Variants in SUDS3 observed in about 807,000 individuals in gnomAD.
The protein encoded by SUDS3 is sin3 histone deacetylase corepressor complex component SDS3.
SUDS3 carries 23 observed loss-of-function variants against 53.5 expected under a neutral mutation model. The ratio of observed to expected loss-of-function variants is 0.43; its 90% CI spans 0.31 to 0.61. SUDS3 has a LOEUF of 0.61. SUDS3 is among the 20% of genes least tolerant of loss of function. The pLI is 0.10. For missense variants in SUDS3, 291 were observed against 405.9 expected, an observed-to-expected ratio of 0.72 and a Z score of 2.43; for synonymous variants, 150 against 148.5, an observed-to-expected ratio of 1.01 and a Z score of -0.08.
chr12:118,380,318 A>T, intron 2 of SUDS3, 87 bp downstream of exon 2: 2 of 1,190,398 alleles, frequency 1.7e-6, no homozygotes, highest in South Asian at 1.4e-5. Flanking sequence ...GAAATCTCAG[A>T]TGCTCCAAAA....
In SUDS3 at chr12:118,376,770, G is replaced by A. The variant is rs1182171859; in HGVS notation, c.79G>A (p.Asp27Asn). ...PPAPEYYPEE[D>N]EELESAEDDE... ...GGCCCCCGAGTACTACCCCGAGGAGGATGAAGAGCTGGAGAGCGCCGAGGA... is the reference window on the plus strand; with the variant it reads ...GGCCCCCGAGTACTACCCCGAGGAGAATGAAGAGCTGGAGAGCGCCGAGGA... The change falls in exon 1 of 12, where the codon GAT becomes AAT. Residue 27 changes from aspartate to asparagine, a missense_variant. By Grantham distance (23) the Asp-to-Asn change is conservative. This residue lies in a region of SUDS3 where 149 missense variants were observed against 146.5 expected (regional missense o/e 1.02). Coordinates refer to ENST00000543473, the MANE Select transcript of SUDS3 (RefSeq NM_022491.3). 3.9e-6 allele frequency: 6 copies of A among 1,553,120 alleles called. No individual in the cohort carries two copies. Among genetic ancestry groups the A allele is most frequent in the East Asian group, 2.4e-5 (1 of 41,386 alleles).
rs1252426591 is a variant in SUDS3, at chr12:118,417,780, G to C, written c.*3347G>C. On this transcript the variant is annotated 3_prime_UTR_variant, in exon 12 of 12. Coordinates refer to ENST00000543473, the MANE Select transcript of SUDS3 (RefSeq NM_022491.3). ...TGATAAGTGATAGAAATTTATTTTAGGTTTTTGATCCATTGCTTATGGGGA... is the reference window on the plus strand; with the variant it reads ...TGATAAGTGATAGAAATTTATTTTACGTTTTTGATCCATTGCTTATGGGGA... The C allele has an allele frequency of 6.6e-6, 1 of 151,562 alleles. No individual in the cohort carries two copies. The highest frequency in any genetic ancestry group is 2.4e-5 in the African/African-American group (1 of 41,240). 9.4% of individuals were successfully genotyped at this position (151,562 alleles called of 1,614,324 possible).
At chr12:118,391,911 T>C (rs1006415303) in intron 6 of SUDS3, among the ~76,000 whole-genome samples, 7 of 152,212 alleles carry the variant, frequency 4.6e-5, no homozygotes, top group African/African-American at 1.4e-4. Context: ...GAAAGTTACA[T>C]GAGACTCAGA....
At chr12:118,392,742 A>AT (rs2046178916) in intron 6 of SUDS3, among the ~76,000 whole-genome samples, 1 of 152,134 alleles carries the variant, frequency 6.6e-6, no homozygotes, top group Admixed American at 6.6e-5. Flanking sequence ...GAGCCACCAG[A>AT]TGTTTGGGAG....
chr12:118,403,068 G>A (rs901460020), intron 9 of SUDS3, among the ~76,000 whole-genome samples: 1 of 152,150 alleles, frequency 6.6e-6, no homozygotes, highest in African/African-American at 2.4e-5. Flanking sequence ...GAAAACGATT[G>A]CATTTTTAAG....
intron 6 of SUDS3, among the ~76,000 whole-genome samples, chr12:118,396,874 C>G (rs1163295529): frequency 1.3e-5 from 2 of 152,092 alleles, no homozygotes. Context: ...TTTTAGATGT[C>G]GGAATCTGTG....
At chr12:118,400,836 A>G (rs1593773500) in intron 7 of SUDS3, 82 bp downstream of exon 7, 26 of 1,278,808 alleles carry the variant, frequency 2.0e-5, no homozygotes, top group South Asian at 1.1e-4. Flanking sequence ...TAGGGTACAC[A>G]TGGCCGTTGT....
At position 118,411,054 on chromosome 12, in the gene SUDS3, T is replaced by C; in HGVS notation, c.804-19T>C. 3.8e-6 allele frequency: 6 copies of C among 1,592,318 alleles called. No individual in the cohort carries two copies. The highest frequency in any genetic ancestry group is 4.3e-6 in the Non-Finnish European group (5 of 1,168,518). ...CTCTGTCCCTCCCTTTTTAAAAATG[T>C]GTGCCTTGTTTTTGTCAGGTACCAC... On this transcript the variant is annotated intron_variant, in intron 10 of 11. Transcript: ENST00000543473.
At chr12:118,399,995 C>T (rs1207827219) in intron 6 of SUDS3, among the ~76,000 whole-genome samples, 1 of 152,062 alleles carries the variant, frequency 6.6e-6, no homozygotes, top group East Asian at 1.9e-4. Context: ...GCAGGTTCAC[C>T]TCCTTGTGCG....
intron 10 of SUDS3, among the ~76,000 whole-genome samples, chr12:118,409,466 A>G (rs1307446227): frequency 2.0e-5 from 3 of 152,252 alleles, no homozygotes; most frequent in African/African-American, 7.2e-5. Flanking sequence ...TTCTTTTAAC[A>G]GTATTTTCAG....
intron 11 of SUDS3, among the ~76,000 whole-genome samples, chr12:118,413,680 C>A (rs553930671): frequency 7.2e-5 from 11 of 152,258 alleles, no homozygotes; most frequent in Non-Finnish European, 1.5e-4. Context: ...TGCAAGAGTT[C>A]ATTCTCAATT....
At chr12:118,381,098 A>C (rs899393972) in intron 2 of SUDS3, among the ~76,000 whole-genome samples, 4 of 152,200 alleles carry the variant, frequency 2.6e-5, no homozygotes, top group African/African-American at 9.6e-5. Flanking sequence ...GTGTAAACTC[A>C]CTGCACTAAT....
In SUDS3 at chr12:118,387,698, C is replaced by T. The variant is rs145519992; in HGVS notation, c.340+1513C>T. Among the ~76,000 whole-genome samples the T allele has an allele frequency of 9.5e-3, 1,451 of 152,150 alleles. 15 individuals carry two copies. Among genetic ancestry groups the T allele is most frequent in the African/African-American group, 0.033 (1,358 of 41,486 alleles). On this transcript the variant is annotated intron_variant, in intron 4 of 11. Transcript: ENST00000543473. ...TCCTGAGTAGCTGGAATTACAGGCG[C>T]CTGCCACCACACCTGGCTAATTTTG...
chr12:118,408,163 TGCTGGG>T, intron 10 of SUDS3, among the ~76,000 whole-genome samples: 1 of 152,124 alleles, frequency 6.6e-6, no homozygotes, highest in Admixed American at 6.5e-5. Flanking sequence ...CCTCCCAAAG[TGCTGGG>T]ATTACAGGCG....
intron 5 of SUDS3, 99 bp downstream of exon 5, chr12:118,390,045 T>C: frequency 7.0e-7 from 1 of 1,424,572 alleles, no homozygotes; most frequent in South Asian, 1.2e-5. Flanking sequence ...AAGTAGATAG[T>C]TTGGAAGCCT....
intron 6 of SUDS3, among the ~76,000 whole-genome samples, chr12:118,395,687 GGATT>G (rs370226981): frequency 3.3e-5 from 5 of 151,794 alleles, no homozygotes; most frequent in Admixed American, 6.6e-5. Flanking sequence ...TAATTCTTGT[GGATT>G]GATTGATTGA....
chr12:118,377,866 A>G (rs1001881559), intron 1 of SUDS3, among the ~76,000 whole-genome samples: 9 of 152,206 alleles, frequency 5.9e-5, no homozygotes, highest in African/African-American at 2.2e-4. Context: ...GTGCCAAGTA[A>G]TGTGGCTGAC....
At chr12:118,390,736 GTTGTTCCA>G (rs2046159196) in intron 5 of SUDS3, among the ~76,000 whole-genome samples, 1 of 152,110 alleles carries the variant, frequency 6.6e-6, no homozygotes, top group Admixed American at 6.6e-5. Flanking sequence ...CTTACTAAAT[GTTGTTCCA>G]TTCTTTTGTC....
Position 118,376,593 on chromosome 12 carries a change from A to C in SUDS3, c.-99A>C. The C allele has an allele frequency of 8.0e-7, 1 of 1,247,180 alleles. No homozygotes were observed. Among genetic ancestry groups the C allele is most frequent in the East Asian group, 3.2e-5 (1 of 31,442 alleles). 77.3% of individuals were successfully genotyped at this position (1,247,180 alleles called of 1,614,324 possible). A position where few individuals can be genotyped will look rare whatever the true frequency, so the allele number is the denominator to read the frequency against. On this transcript the variant is annotated 5_prime_UTR_variant, in exon 1 of 12. Transcript: ENST00000543473. ...GGGTCGCCGTGGCTGCCGGTCCTCG[A>C]GTTGGGGGCTGCCGCGGACACTGCT...
Sources: allele counts gnomAD v4.1 joint callset (sites outside exome capture counted in the v4.1 genomes callset), GRCh38; gene constraint gnomAD v4.1.1; regional missense constraint gnomAD v4.1.1; transcripts MANE v1.5; gene names NCBI Gene and HGNC (gene_info 2026-07-23, HGNC 2026-07-21).